Variants in MALRD1 observed in about 807,000 individuals in gnomAD.
MALRD1 encodes the protein MAM and LDL-receptor class A domain-containing protein 1.
In MALRD1, 247 loss-of-function variants were observed where a neutral mutation model predicts 242.1. The ratio of observed to expected loss-of-function variants is 1.02; its 90% CI spans 0.92 to 1.13. The LOEUF (loss-of-function observed/expected upper bound fraction) is 1.13, where lower values mean the gene tolerates loss of function less well. MALRD1 is among the 50% of genes most tolerant of loss of function. The pLI is 0.00. For synonymous variants in MALRD1, 995 were observed against 866.6 expected, an observed-to-expected ratio of 1.15 and a Z score of -2.60; for missense variants, 2,989 against 2,533.1, an observed-to-expected ratio of 1.18 and a Z score of -3.86.
At chr10:19,611,168 C>A (rs3852484) in intron 35 of MALRD1, among the ~76,000 whole-genome samples, 119,163 of 151,824 alleles carry the variant, frequency 0.78, 48,832 homozygotes, top group Non-Finnish European at 0.9. Flanking sequence ...TAAGAAAGTG[C>A]TATCATACAT....
At chr10:19,241,370 C>T (rs187445589) in intron 18 of MALRD1, among the ~76,000 whole-genome samples, 46 of 152,076 alleles carry the variant, frequency 3.0e-4, no homozygotes, top group Admixed American at 9.2e-4. Context: ...CATATAGTTA[C>T]GAGTAATGTC....
intron 24 of MALRD1, among the ~76,000 whole-genome samples, chr10:19,334,122 T>TTTTG (rs1013449898): frequency 6.9e-5 from 9 of 129,800 alleles, no homozygotes; most frequent in African/African-American, 3.2e-4. Flanking sequence ...TTGGTAGGTT[T>TTTTG]TTTTTTTTTT....
chr10:19,156,222 G>A lies in MALRD1; in HGVS notation c.1656+1050G>A, dbSNP rs181160224. Among the ~76,000 whole-genome samples the A allele has an allele frequency of 4.3e-4, 66 of 152,016 alleles. 1 individual carries two copies. The South Asian group carries it at 0.011, about 26-fold the overall frequency. ...TTTCAGTTTGGTATAAGTCTAAGTG[G>A]GAGTGCCCTGAGTTCTTAATAATGG... On this transcript the variant is annotated intron_variant, in intron 12 of 39. Transcript: ENST00000454679.
rs372453211 is a variant in MALRD1 at position 19,440,192 on chromosome 10, A to G, written c.4846-10115A>G. Among the ~76,000 whole-genome samples the G allele has an allele frequency of 7.1e-4, 108 of 152,016 alleles. No individual in the cohort carries two copies. The South Asian group carries it at 0.015, about 21-fold the overall frequency. ...GTCATTTTCGCATTGACTTCGGGAG[A>G]GTTCTGTTTATATACTAGTTTTTAG... is the stretch of plus-strand genomic sequence containing the variant. On this transcript the variant is annotated intron_variant, in intron 28 of 39. Transcript: ENST00000454679.
At chr10:19,631,951 G>C (rs947042871) in intron 36 of MALRD1, among the ~76,000 whole-genome samples, 1 of 152,132 alleles carries the variant, frequency 6.6e-6, no homozygotes, top group Non-Finnish European at 1.5e-5. Context: ...TTACTCTGTT[G>C]ATAGTTTCTT....
At chr10:19,176,366 C>CCTTTTTT (rs1484132630) in intron 14 of MALRD1, among the ~76,000 whole-genome samples, 5 of 87,302 alleles carry the variant, frequency 5.7e-5, no homozygotes, top group African/African-American at 2.2e-4. Flanking sequence ...TTTCTGGGTG[C>CCTTTTTT]TTTTTTTTTT....
chr10:19,498,416 C>G, intron 30 of MALRD1, 69 bp from the exon 31 acceptor site: 1 of 1,351,658 alleles, frequency 7.4e-7, no homozygotes, highest in Non-Finnish European at 1.0e-6. Context: ...TTAAATGATC[C>G]CAAATATAGG....
intron 14 of MALRD1, among the ~76,000 whole-genome samples, chr10:19,176,366 C>CCTTTTTTTTTTTTTTTTTTTTTTTTTT (rs1484132630): frequency 1.1e-5 from 1 of 87,300 alleles, no homozygotes; most frequent in African/African-American, 4.3e-5. Context: ...TTTCTGGGTG[C>CCTTTTTTTTTTTTTTTTTTTTTTTTTT]TTTTTTTTTT....
intron 21 of MALRD1, among the ~76,000 whole-genome samples, chr10:19,300,366 C>T (rs556808068): frequency 6.6e-6 from 1 of 151,822 alleles, no homozygotes; most frequent in Non-Finnish European, 1.5e-5. Flanking sequence ...AAAAACTATT[C>T]TAAAATTAAT....
intron 32 of MALRD1, among the ~76,000 whole-genome samples, chr10:19,533,880 G>A (rs555949753): frequency 1.3e-5 from 2 of 152,188 alleles, no homozygotes; most frequent in Non-Finnish European, 1.5e-5. Context: ...TACCACGTCC[G>A]TGGGTGACCT....
At chr10:19,442,186 A>G (rs1007238956) in intron 28 of MALRD1, among the ~76,000 whole-genome samples, 5 of 152,120 alleles carry the variant, frequency 3.3e-5, no homozygotes, top group Admixed American at 6.6e-5. Context: ...TTGATTTTGT[A>G]CCCTGAGATT....
chr10:19,672,944 T>G (rs1841990248), intron 36 of MALRD1, among the ~76,000 whole-genome samples: 1 of 152,204 alleles, frequency 6.6e-6, no homozygotes, highest in South Asian at 2.1e-4. Context: ...GGATTATTTA[T>G]TCACTAAGAG....
At chr10:19,229,251 C>T (rs1224176757) in intron 18 of MALRD1, among the ~76,000 whole-genome samples, 2 of 151,888 alleles carry the variant, frequency 1.3e-5, no homozygotes, top group African/African-American at 2.4e-5. Context: ...ACTAGTATAA[C>T]GAAGTTAAAT....
intron 4 of MALRD1, 39 bp from the exon 5 acceptor site, chr10:19,103,940 T>C (rs1836372932): frequency 8.7e-7 from 1 of 1,149,994 alleles, no homozygotes. Context: ...TTCCTTGCTT[T>C]ATGTTTTTGT....
rs527887151 is a variant in MALRD1, at chr10:19,399,143, A to G, written c.4845+9534A>G. 4.6e-5 allele frequency among the ~76,000 whole-genome samples: 7 copies of G among 151,978 alleles called. No homozygotes were observed. In the South Asian group the frequency reaches 1.2e-3, roughly 27 times the overall value. On this transcript the variant is annotated intron_variant, in intron 28 of 39. Transcript: ENST00000454679. Reference sequence around the variant, plus strand: ...TGTCTAGTTTAAAGTGTGGCTTCACATGGTTGCTGTCCATTTGCCCACGGA... The same window carrying G: ...TGTCTAGTTTAAAGTGTGGCTTCACGTGGTTGCTGTCCATTTGCCCACGGA...
intron 19 of MALRD1, among the ~76,000 whole-genome samples, chr10:19,259,218 T>C (rs1333986318): frequency 1.3e-5 from 2 of 152,164 alleles, no homozygotes; most frequent in Non-Finnish European, 2.9e-5. Context: ...AATAAATGAC[T>C]AACCCCTTAT....
intron 7 of MALRD1, among the ~76,000 whole-genome samples, chr10:19,124,935 C>CT (rs1173453764): frequency 0.097 from 5,074 of 52,514 alleles, 2,177 homozygotes; most frequent in Admixed American, 0.15. Flanking sequence ...TATTAAAAGG[C>CT]TTTTTTTTTT....
intron 36 of MALRD1, among the ~76,000 whole-genome samples, chr10:19,672,442 T>C (rs1204114435): frequency 1.3e-5 from 2 of 151,252 alleles, no homozygotes; most frequent in Non-Finnish European, 2.9e-5. Flanking sequence ...ATTTTGTTTT[T>C]TGAGGCAGTC....
intron 21 of MALRD1, among the ~76,000 whole-genome samples, chr10:19,292,709 G>T (rs959111401): frequency 6.6e-6 from 1 of 151,854 alleles, no homozygotes; most frequent in African/African-American, 2.4e-5. Context: ...TGGCTAACAC[G>T]GTGAAACCCC....
Sources: gnomAD v4.1 joint callset for allele counts (sites outside exome capture counted in the v4.1 genomes callset) on GRCh38, gnomAD v4.1.1 for gene constraint, MANE v1.5 for transcripts, NCBI Gene and HGNC (gene_info 2026-07-23, HGNC 2026-07-21) for gene names.